The following ENTPD5 variants were observed in gnomAD, a reference collection of about 807,000 sequenced individuals.
ENTPD5 encodes ectonucleoside triphosphate diphosphohydrolase 5 (inactive).
ENTPD5 carries 49 observed loss-of-function variants against 60.2 expected under a neutral mutation model. The ratio of observed to expected loss-of-function variants is 0.81; its 90% CI spans 0.65 to 1.03. The LOEUF (loss-of-function observed/expected upper bound fraction) is 1.03, where lower values mean the gene tolerates loss of function less well. Among genes scored for constraint, ENTPD5 ranks in the 50% least tolerant of loss-of-function variants. ENTPD5 has a pLI of 0.00. For synonymous variants in ENTPD5, 187 were observed against 185.4 expected (o/e 1.01, Z -0.07); for missense variants, 480 against 507.6 (o/e 0.95, Z 0.52).
At chr14:73,961,445 T>G, downstream of ENTPD5, 1 of 1,614,148 alleles carries the variant, frequency 6.2e-7, no homozygotes, top group Non-Finnish European at 8.5e-7. Context: ...GAACTCTGCT[T>G]TATTCTTAGG....
intron 11 of ENTPD5, among the ~76,000 whole-genome samples, chr14:73,974,706 T>C (rs1038613803): frequency 6.6e-6 from 1 of 152,226 alleles, no homozygotes; most frequent in African/African-American, 2.4e-5. Context: ...CCTGAACAAG[T>C]AGACCTCATT....
chr14:73,973,033 C>T lies in ENTPD5; in HGVS notation c.887-9G>A. 2.5e-6 allele frequency: 4 copies of T among 1,613,838 alleles called. No homozygotes were observed. The highest frequency in any genetic ancestry group is 3.4e-6 in the Non-Finnish European group (4 of 1,179,832). On this transcript the variant is annotated splice_polypyrimidine_tract_variant and intron_variant, in intron 12 of 15. Transcript: ENST00000334696. Reference sequence around the variant, plus strand: ...CTCAAAGCCCACCTCCCCTGCCAGGCAAAGGTGCACAGGGGTAAGGTGAGA... The same window carrying T: ...CTCAAAGCCCACCTCCCCTGCCAGGTAAAGGTGCACAGGGGTAAGGTGAGA...
At chr14:73,959,759 G>A (rs555470269), downstream of ENTPD5, 156 of 1,153,834 alleles carry the variant, frequency 1.4e-4, 1 homozygote, top group South Asian at 2.5e-3. Flanking sequence ...TAGTAGAGAT[G>A]AGGTTTCACC....
At chr14:73,991,773 A>C (rs1281741980) in intron 3 of ENTPD5, among the ~76,000 whole-genome samples, 1 of 151,824 alleles carries the variant, frequency 6.6e-6, no homozygotes, top group Non-Finnish European at 1.5e-5. Flanking sequence ...AGACATTGCC[A>C]GCTGTCTGCT....
At chr14:74,006,552 A>G (rs1283311841) in intron 3 of ENTPD5, among the ~76,000 whole-genome samples, 1 of 147,960 alleles carries the variant, frequency 6.8e-6, no homozygotes, top group South Asian at 2.1e-4. Context: ...CAAAGTGCTG[A>G]TATTACAGGT....
rs1332410959 is a variant in ENTPD5, at chr14:73,963,362, G to A, written c.*3566C>T. On this transcript the variant is annotated 3_prime_UTR_variant, in exon 16 of 16. Transcript: ENST00000334696. Reference sequence around the variant, plus strand: ...ATGTTGGTCATAAATTTATACAGTTGTTTTTTGATAGAGGTAAGAATTAGA... The same window carrying A: ...ATGTTGGTCATAAATTTATACAGTTATTTTTTGATAGAGGTAAGAATTAGA... 8.1e-6 allele frequency: 3 copies of A among 371,396 alleles called. No individual in the cohort carries two copies. Among genetic ancestry groups the A allele is most frequent in the South Asian group, 1.1e-4 (2 of 19,040 alleles). 23.0% of individuals were successfully genotyped at this position (371,396 alleles called of 1,614,324 possible). A position where few individuals can be genotyped will look rare whatever the true frequency, so the allele number is the denominator to read the frequency against.
intron 3 of ENTPD5, chr14:74,007,643 A>T (rs2058721367): frequency 6.6e-6 from 1 of 151,844 alleles, no homozygotes; most frequent in Admixed American, 6.6e-5. Flanking sequence ...AATAAAACTA[A>T]TAAAAAGGTT....
chr14:74,009,404 T>C (rs1400667007), intron 3 of ENTPD5, among the ~76,000 whole-genome samples: 1 of 152,204 alleles, frequency 6.6e-6, no homozygotes, highest in African/African-American at 2.4e-5. Context: ...ATAAAAACAT[T>C]TTCCCTTTCT....
At chr14:73,958,553 C>T (rs2054007715), downstream of ENTPD5, 4 of 1,308,026 alleles carry the variant, frequency 3.1e-6, no homozygotes, top group South Asian at 4.6e-5. Context: ...GCTGTTCTTT[C>T]CCTCTGAGGA....
At chr14:73,978,100 C>G (rs1255462285) in intron 6 of ENTPD5, among the ~76,000 whole-genome samples, 1 of 152,140 alleles carries the variant, frequency 6.6e-6, no homozygotes, top group African/African-American at 2.4e-5. Context: ...ATAATGACCT[C>G]TGGATCCTGT....
Position 73,972,926 on chromosome 14 carries a change from A to C in ENTPD5, c.985T>G (p.Phe329Val), listed in dbSNP as rs1190755290. ...ACAGCTCGGTCATAATAGTAAGAGAAAGCATAGAAGGAACCTCTCTGGACC... is the reference window on the plus strand; with the variant it reads ...ACAGCTCGGTCATAATAGTAAGAGACAGCATAGAAGGAACCTCTCTGGACC... ...EEVQRGSFYA[F>V]SYYYDRAVDT... Residue 329 changes from phenylalanine (F) to valine (V), a missense_variant, in exon 13 of 16, where the codon TTC (phenylalanine) becomes GTC (valine). Physicochemically the swap from Phe to Val is conservative, Grantham distance 50. Transcript: ENST00000334696. The C allele has an allele frequency of 1.2e-6, 2 of 1,614,092 alleles. No homozygotes were observed. The highest frequency in any genetic ancestry group is 1.1e-5 in the South Asian group (1 of 91,088).
intron 3 of ENTPD5, among the ~76,000 whole-genome samples, chr14:73,990,696 C>T (rs1328514769): frequency 6.6e-6 from 1 of 151,760 alleles, no homozygotes; most frequent in Non-Finnish European, 1.5e-5. Flanking sequence ...TGCAACAAAG[C>T]CATTATCATG....
chr14:73,988,516 G>C (rs77321049), intron 3 of ENTPD5, among the ~76,000 whole-genome samples: 9,463 of 152,224 alleles, frequency 0.062, 470 homozygotes, highest in South Asian at 0.27. Flanking sequence ...ATCATTGTTT[G>C]TGTTGGAAAC....
intron 2 of ENTPD5, among the ~76,000 whole-genome samples, chr14:74,014,538 G>A (rs951467389): frequency 4.6e-5 from 7 of 151,636 alleles, no homozygotes; most frequent in African/African-American, 1.7e-4. Context: ...GTGACATAGT[G>A]AGACCCTGTC....
intron 12 of ENTPD5, among the ~76,000 whole-genome samples, chr14:73,973,427 A>C (rs371096777): frequency 2.6e-5 from 4 of 152,332 alleles, no homozygotes; most frequent in Middle Eastern, 3.4e-3. Flanking sequence ...GTTTTACTAT[A>C]ATTTAAATAG....
rs752375399 is a variant in ENTPD5 at position 73,975,017 on chromosome 14, T to C, written c.723-32A>G. 23 of 1,553,870 alleles carry C rather than the reference T, an allele frequency of 1.5e-5. No individual in the cohort carries two copies. In the East Asian group the frequency reaches 3.6e-4, roughly 24 times the overall value. ...AATACAGGATTGACTAATTTCATGC[T>C]GGTCCTGAAGTTCTCTAGCCTAAAG... On this transcript the variant is annotated intron_variant, in intron 10 of 15. Transcript: ENST00000334696.
chr14:74,003,095 T>C (rs1330472168), intron 3 of ENTPD5, among the ~76,000 whole-genome samples: 1 of 152,220 alleles, frequency 6.6e-6, no homozygotes, highest in Non-Finnish European at 1.5e-5. Context: ...CTTAATACTA[T>C]AACCTCTCAC....
At chr14:73,977,517 A>G (rs2057495600) in intron 6 of ENTPD5, 143 bp from the exon 7 acceptor site, 1 of 586,720 alleles carries the variant, frequency 1.7e-6, no homozygotes, top group African/African-American at 1.9e-5. Flanking sequence ...CCTTTGCCCT[A>G]AGAAACTAGA....
intron 3 of ENTPD5, among the ~76,000 whole-genome samples, chr14:74,001,503 A>G (rs969840159): frequency 6.6e-6 from 1 of 151,022 alleles, no homozygotes; most frequent in Non-Finnish European, 1.5e-5. Context: ...CTCCATCCCA[A>G]AAAAAAAGAA....
Sources: gnomAD v4.1 joint callset for allele counts (sites outside exome capture counted in the v4.1 genomes callset) on GRCh38, gnomAD v4.1.1 for gene constraint, MANE v1.5 for transcripts, NCBI Gene and HGNC (gene_info 2026-07-23, HGNC 2026-07-21) for gene names.